The following DCTD variants were observed in gnomAD, a reference collection of about 807,000 sequenced individuals.
DCTD encodes deoxycytidylate deaminase.
In DCTD, 23 loss-of-function variants were observed where a neutral mutation model predicts 21.0. The ratio of observed to expected loss-of-function variants is 1.09; its 90% CI spans 0.79 to 1.55. DCTD has a LOEUF of 1.55. DCTD is among the 40% of genes most tolerant of loss of function. The pLI is 0.00. For missense variants in DCTD, 224 were observed against 230.0 expected (o/e 0.97, Z 0.17); for synonymous variants, 71 against 81.1 (o/e 0.88, Z 0.67).
chr4:182,908,246 A>G (rs1357524309), intron 3 of DCTD, among the ~76,000 whole-genome samples: 1 of 152,226 alleles, frequency 6.6e-6, no homozygotes, highest in Non-Finnish European at 1.5e-5. Context: ...ATTTCAGCCA[A>G]TTTCAGAGAA....
intron 4 of DCTD, among the ~76,000 whole-genome samples, 175 bp from the exon 5 acceptor site, chr4:182,893,302 G>A (rs1301113974): frequency 1.3e-5 from 2 of 152,124 alleles, no homozygotes; most frequent in Non-Finnish European, 2.9e-5. Context: ...TACAGCAGAG[G>A]GTGGATTCTA....
intron 2 of DCTD, 130 bp downstream of exon 2, chr4:182,915,331 G>C: frequency 1.4e-6 from 1 of 737,320 alleles, no homozygotes; most frequent in Non-Finnish European, 2.3e-6. Context: ...TTGTAGAAAC[G>C]CAGCACAAAA....
At chr4:182,904,993 A>C (rs2152860024) in intron 3 of DCTD, among the ~76,000 whole-genome samples, 1 of 152,270 alleles carries the variant, frequency 6.6e-6, no homozygotes, top group Non-Finnish European at 1.5e-5. Flanking sequence ...GAAAAGCAAA[A>C]ACCAAAGCCA....
chr4:182,891,485 TAAA>T lies in DCTD; in HGVS notation c.459-11_459-9del. On this transcript the variant is annotated splice_polypyrimidine_tract_variant and intron_variant, in intron 5 of 5. Coordinates refer to ENST00000438320, the MANE Select transcript of DCTD (RefSeq NM_001921.3). Reference sequence around the variant, plus strand: ...CACTTCGGTATGAATTTCCTAAAAATAAAAACAAAATACAATTATTATCTGGTG... The same window carrying T: ...CACTTCGGTATGAATTTCCTAAAAATAACAAAATACAATTATTATCTGGTG... 1 of 1,591,656 alleles carries T rather than the reference TAAA, an allele frequency of 6.3e-7. No individual in the cohort carries two copies. Among genetic ancestry groups the T allele is most frequent in the Non-Finnish European group, 8.6e-7 (1 of 1,160,596 alleles).
In DCTD at chr4:182,890,587, AC is replaced by A. The variant is rs765761483; in HGVS notation, c.*811del. On this transcript the variant is annotated 3_prime_UTR_variant, in exon 6 of 6. Transcript: ENST00000438320. ...CCTCCCATCCACAGCCCCAGCTGCCACCACGGCAGGGCATGGGCTTTGGGGG... is the reference window on the plus strand; with the variant it reads ...CCTCCCATCCACAGCCCCAGCTGCCACACGGCAGGGCATGGGCTTTGGGGG... 2.2e-4 allele frequency: 33 copies of A among 152,416 alleles called. No individual in the cohort carries two copies. The highest frequency in any genetic ancestry group is 5.2e-4 in the Admixed American group (8 of 15,306). The allele number at this position is 152,416 out of a possible 1,614,324, so 9.4% of individuals were successfully genotyped here.
At chr4:182,891,572 T>C (rs1229761813) in intron 5 of DCTD, 95 bp from the exon 6 acceptor site, 1 of 844,270 alleles carries the variant, frequency 1.2e-6, no homozygotes, top group East Asian at 2.5e-5. Context: ...CAGAGAAAAA[T>C]ATGTCCTGGG....
intron 3 of DCTD, among the ~76,000 whole-genome samples, chr4:182,912,149 CAA>C (rs34737293): frequency 8.9e-4 from 73 of 82,080 alleles, no homozygotes; most frequent in Admixed American, 8.5e-4. Context: ...AAAACGAAAG[CAA>C]AAAAAAAAAA....
chr4:182,891,550 A>G (rs1456946264), intron 5 of DCTD, 73 bp from the exon 6 acceptor site: 1 of 1,063,446 alleles, frequency 9.4e-7, no homozygotes, highest in African/African-American at 1.6e-5. Context: ...GGCTTAACTC[A>G]TATTTTCTGT....
intron 3 of DCTD, among the ~76,000 whole-genome samples, chr4:182,907,602 A>AG (rs1356167930): frequency 5.9e-5 from 9 of 151,902 alleles, no homozygotes; most frequent in Non-Finnish European, 1.3e-4. Context: ...TAATCGTTAG[A>AG]GGAGGGAGGG....
chr4:182,899,525 C>T (rs992392514), intron 3 of DCTD, among the ~76,000 whole-genome samples: 4 of 151,832 alleles, frequency 2.6e-5, no homozygotes, highest in South Asian at 2.1e-4. Flanking sequence ...CTCAGCCTCC[C>T]GAGTAGCTGG....
intron 3 of DCTD, 37 bp downstream of exon 3, chr4:182,914,886 T>C (rs747362326): frequency 1.4e-5 from 22 of 1,613,204 alleles, no homozygotes; most frequent in Non-Finnish European, 1.8e-5. Flanking sequence ...CACCAGGCTA[T>C]GTCACTAAGC....
At chr4:182,904,144 C>T (rs1361587554) in intron 3 of DCTD, among the ~76,000 whole-genome samples, 3 of 152,160 alleles carry the variant, frequency 2.0e-5, no homozygotes, top group African/African-American at 7.2e-5. Flanking sequence ...ACTCACGGCA[C>T]CCAGGGGAGC....
At chr4:182,914,471 C>T (rs1458546974) in intron 3 of DCTD, among the ~76,000 whole-genome samples, 2 of 152,260 alleles carry the variant, frequency 1.3e-5, no homozygotes, top group Non-Finnish European at 2.9e-5. Context: ...GGCACATGGG[C>T]TGAATGAAGC....
intron 3 of DCTD, among the ~76,000 whole-genome samples, chr4:182,909,756 C>G (rs753037845): frequency 1.5e-4 from 23 of 152,122 alleles, no homozygotes; most frequent in Non-Finnish European, 2.8e-4. Context: ...AAATATATCA[C>G]GTGCATGGCA....
intron 3 of DCTD, among the ~76,000 whole-genome samples, chr4:182,905,140 G>T (rs1362431263): frequency 1.3e-5 from 2 of 151,968 alleles, no homozygotes; most frequent in African/African-American, 4.8e-5. Context: ...TGTCCCCATT[G>T]TCTCACCCTC....
intron 3 of DCTD, 75 bp from the exon 4 acceptor site, chr4:182,894,680 C>A: frequency 1.1e-6 from 1 of 870,738 alleles, no homozygotes; most frequent in South Asian, 1.3e-5. Context: ...TAACACATTC[C>A]ATTCCCCCCT....
chr4:182,900,613 A>G (rs901057282), intron 3 of DCTD, among the ~76,000 whole-genome samples: 18 of 152,164 alleles, frequency 1.2e-4, no homozygotes, highest in African/African-American at 4.1e-4. Context: ...AAAAAAAGAA[A>G]AAAAGATAAA....
Position 182,894,599 on chromosome 4 carries a change from T to C in DCTD, c.251A>G (p.His84Arg), listed in dbSNP as rs1329262382. The change falls in exon 4 of 6, where the codon CAT becomes CGT. Residue 84 changes from histidine to arginine, a missense_variant. Physicochemically the swap from His to Arg is conservative, Grantham distance 29. Transcript: ENST00000438320. ...KLDTKYPYVC[H>R]AELNAIMNKN... ...GTTCATGATGGCATTCAGCTCCGCA[T>C]GGCACACTGTGGGTTGAAAGGGAAA... 6.2e-7 allele frequency: 1 copy of C among 1,610,394 alleles called. No individual in the cohort carries two copies. The highest frequency in any genetic ancestry group is 1.3e-5 in the African/African-American group (1 of 74,846).
chr4:182,916,783 T>C, intron 1 of DCTD: 1 of 1,123,634 alleles, frequency 8.9e-7, no homozygotes, highest in Non-Finnish European at 1.1e-6. Context: ...GAGGGAAGGG[T>C]CCTGTTAATC....
Sources: allele counts gnomAD v4.1 joint callset (sites outside exome capture counted in the v4.1 genomes callset), GRCh38; gene constraint gnomAD v4.1.1; transcripts MANE v1.5; gene names NCBI Gene and HGNC (gene_info 2026-07-23, HGNC 2026-07-21).